TRPM6: variants seen among roughly 807,000 people sequenced by gnomAD.
TRPM6 encodes transient receptor potential cation channel subfamily M member 6.
A neutral mutation model predicts 247.6 loss-of-function variants in TRPM6; 111 were observed. The ratio of observed to expected loss-of-function variants is 0.45; its 90% CI spans 0.38 to 0.52. The LOEUF (loss-of-function observed/expected upper bound fraction) is 0.52. Among genes scored for constraint, TRPM6 ranks in the 20% least tolerant of loss-of-function variants. The pLI, the probability that TRPM6 is intolerant of heterozygous loss-of-function variation, is 0.00. For synonymous variants in TRPM6, 892 were observed against 853.8 expected (o/e 1.04, Z -0.78); for missense variants, 2,126 against 2,421.5 (o/e 0.88, Z 2.56).
intron 6 of TRPM6, among the ~76,000 whole-genome samples, chr9:74,833,420 A>G (rs1829610184): frequency 2.6e-5 from 4 of 152,364 alleles, no homozygotes; most frequent in Admixed American, 2.6e-4. Flanking sequence ...GTAATACAAG[A>G]TAACAGATGA....
intron 14 of TRPM6, among the ~76,000 whole-genome samples, chr9:74,805,425 T>C (rs552564542): frequency 6.6e-6 from 1 of 152,322 alleles, no homozygotes; most frequent in East Asian, 1.9e-4. Context: ...CTCTGGCCGC[T>C]AATCCCAGAA....
At chr9:74,769,525 G>C (rs111233443) in intron 25 of TRPM6, among the ~76,000 whole-genome samples, 1 of 152,014 alleles carries the variant, frequency 6.6e-6, no homozygotes, top group African/African-American at 2.4e-5. Context: ...GTGGGAGGTC[G>C]AGGGGGGCGG....
At chr9:74,731,973 C>T (rs1443065872) in intron 37 of TRPM6, among the ~76,000 whole-genome samples, 2 of 152,066 alleles carry the variant, frequency 1.3e-5, no homozygotes, top group Non-Finnish European at 2.9e-5. Flanking sequence ...TATTTGAGAA[C>T]CATTTTTGCC....
At chr9:74,838,297 C>T (rs1829796382) in intron 5 of TRPM6, among the ~76,000 whole-genome samples, 1 of 152,182 alleles carries the variant, frequency 6.6e-6, no homozygotes, top group Non-Finnish European at 1.5e-5. Flanking sequence ...ACCCACTTCA[C>T]TGGAAATCAA....
intron 24 of TRPM6, among the ~76,000 whole-genome samples, chr9:74,774,161 C>T (rs1827137709): frequency 6.6e-6 from 1 of 152,122 alleles, no homozygotes; most frequent in Non-Finnish European, 1.5e-5. Flanking sequence ...AACAATGTTC[C>T]ACAAAGCTCA....
intron 36 of TRPM6, 53 bp from the exon 37 acceptor site, chr9:74,732,789 A>G: frequency 8.0e-7 from 1 of 1,251,234 alleles, no homozygotes; most frequent in Non-Finnish European, 1.2e-6. Flanking sequence ...ATTTTCTTAG[A>G]AATTCAAGAA....
At chr9:74,833,624 G>T (rs1299082561) in intron 6 of TRPM6, among the ~76,000 whole-genome samples, 1 of 152,218 alleles carries the variant, frequency 6.6e-6, no homozygotes, top group African/African-American at 2.4e-5. Flanking sequence ...GGAGACAAAG[G>T]TAAGAGTAAA....
At chr9:74,887,531 A>AC in intron 1 of TRPM6, 2 of 1,242,574 alleles carry the variant, frequency 1.6e-6, no homozygotes, top group East Asian at 2.5e-5. Flanking sequence ...TGAACCCCCG[A>AC]CCCCCGCTAG....
At chr9:74,872,062 A>G (rs1323095777) in intron 1 of TRPM6, among the ~76,000 whole-genome samples, 3 of 152,096 alleles carry the variant, frequency 2.0e-5, no homozygotes, top group Non-Finnish European at 2.9e-5. Flanking sequence ...TATGTTGGCC[A>G]GGCTGGTCTC....
intron 31 of TRPM6, among the ~76,000 whole-genome samples, chr9:74,746,225 T>A: frequency 6.9e-6 from 1 of 145,954 alleles, no homozygotes; most frequent in Middle Eastern, 3.5e-3. Flanking sequence ...GGCGACAAAG[T>A]GAGACTCCAT....
At chr9:74,866,774 TC>T (rs1471621116) in intron 1 of TRPM6, among the ~76,000 whole-genome samples, 15 of 152,156 alleles carry the variant, frequency 9.9e-5, no homozygotes, top group African/African-American at 2.6e-4. Flanking sequence ...AGCCACCGCA[TC>T]CAGCCTCAGG....
In TRPM6 at chr9:74,782,431, G is replaced by A; in HGVS notation, c.3140C>T (p.Pro1047Leu). The A allele has an allele frequency of 6.2e-7, 1 of 1,614,078 alleles. No individual in the cohort carries two copies. The highest frequency in any genetic ancestry group is 8.5e-7 in the Non-Finnish European group (1 of 1,179,990). ...PSCPPGSFLTPFLQAVYLFVQ... is the reference protein window; with the variant it reads ...PSCPPGSFLTLFLQAVYLFVQ... ...GAAGAGGTAGACAGCTTGCAAGAAT[G>A]GAGTAAGAAAAGAACCAGGAGGGCA... The change falls in exon 23 of 39, where the codon CCA becomes CTA. Residue 1047 changes from proline (P) to leucine (L), a missense_variant. Pro to Leu is a moderately conservative substitution (Grantham distance 98). Around this residue, in one of 3 missense-constraint regions of TRPM6, gnomAD observed 1,082 missense variants for 1,307.9 expected, o/e 0.83. Coordinates refer to ENST00000360774, the MANE Select transcript of TRPM6 (RefSeq NM_017662.5).
intron 37 of TRPM6, 92 bp downstream of exon 37, chr9:74,732,593 G>T: frequency 1.0e-6 from 1 of 967,020 alleles, no homozygotes; most frequent in African/African-American, 1.6e-5. Context: ...TAGGATCTAG[G>T]CAGGGAACAT....
intron 19 of TRPM6, among the ~76,000 whole-genome samples, chr9:74,789,960 CAA>C (rs71368680): frequency 8.6e-4 from 56 of 65,122 alleles, no homozygotes; most frequent in African/African-American, 3.4e-3. Flanking sequence ...GACTCCATCT[CAA>C]AAAAAAAAAA....
At chr9:74,780,300 C>T (rs1284867673) in intron 23 of TRPM6, among the ~76,000 whole-genome samples, 1 of 151,842 alleles carries the variant, frequency 6.6e-6, no homozygotes, top group Non-Finnish European at 1.5e-5. Context: ...ACTAGAAATA[C>T]AAAAATTAGC....
intron 25 of TRPM6, among the ~76,000 whole-genome samples, chr9:74,764,398 G>A (rs1826757591): frequency 6.6e-6 from 1 of 152,158 alleles, no homozygotes; most frequent in Non-Finnish European, 1.5e-5. Flanking sequence ...CACACACACA[G>A]AGGGAAGACG....
chr9:74,887,238 G>T (rs1009179758), intron 1 of TRPM6: 5 of 1,272,966 alleles, frequency 3.9e-6, no homozygotes, highest in Non-Finnish European at 9.9e-7. Flanking sequence ...TACCGTAACC[G>T]GCGCTGTCAT....
At chr9:74,839,565 C>A (rs1170288282) in intron 5 of TRPM6, among the ~76,000 whole-genome samples, 1 of 152,154 alleles carries the variant, frequency 6.6e-6, no homozygotes, top group East Asian at 1.9e-4. Context: ...ACACTATGCA[C>A]TTGCATGGAT....
At chr9:74,726,418 G>A (rs998066849) in intron 38 of TRPM6, among the ~76,000 whole-genome samples, 3 of 152,162 alleles carry the variant, frequency 2.0e-5, no homozygotes, top group East Asian at 3.9e-4. Context: ...GCTGAGGCAG[G>A]AGAATCACTT....
Sources: gnomAD v4.1 joint callset for allele counts (sites outside exome capture counted in the v4.1 genomes callset) on GRCh38, gnomAD v4.1.1 for gene constraint, gnomAD v4.1.1 regional missense constraint, MANE v1.5 for transcripts, NCBI Gene and HGNC (gene_info 2026-07-23, HGNC 2026-07-21) for gene names.